Variants in JAZF1 observed in about 807,000 individuals in gnomAD.
JAZF1 encodes juxtaposed with another zinc finger protein 1.
A neutral mutation model predicts 26.4 loss-of-function variants in JAZF1; 8 were observed. That is an observed-to-expected ratio of 0.30 (90% CI 0.18 to 0.55). The LOEUF is 0.55. JAZF1 is among the 20% of genes least tolerant of loss of function. The pLI is 0.94. For missense variants in JAZF1, 199 were observed against 322.0 expected (o/e 0.62, Z 2.92); for synonymous variants, 126 against 122.3 (o/e 1.03, Z -0.20).
chr7:28,005,070 C>T lies in JAZF1; in HGVS notation c.116-13089G>A, dbSNP rs562693875. ...GACAAGTTAGTGTTTTCATGTATTT[C>T]GAAAACCAAATCACAATCTTTGAAT... is the stretch of plus-strand genomic sequence containing the variant. On this transcript the variant is annotated intron_variant, in intron 1 of 4. Coordinates refer to ENST00000283928, the MANE Select transcript of JAZF1 (RefSeq NM_175061.4). Among the ~76,000 whole-genome samples the T allele has an allele frequency of 7.1e-4, 108 of 152,170 alleles. 1 individual carries two copies. The highest frequency in any genetic ancestry group is 2.3e-3 in the African/African-American group (97 of 41,516).
intron 2 of JAZF1, among the ~76,000 whole-genome samples, chr7:27,955,003 C>T (rs1295145018): frequency 6.6e-6 from 1 of 152,196 alleles, no homozygotes; most frequent in Non-Finnish European, 1.5e-5. Flanking sequence ...GGCGATCCAC[C>T]TGCCTCGGCC....
intron 2 of JAZF1, among the ~76,000 whole-genome samples, chr7:27,933,431 T>C (rs972932165): frequency 6.6e-6 from 1 of 152,224 alleles, no homozygotes; most frequent in Non-Finnish European, 1.5e-5. Context: ...AGTAAAATCC[T>C]TCCTAGGCCC....
chr7:27,942,432 T>G (rs2128352656), intron 2 of JAZF1, among the ~76,000 whole-genome samples: 1 of 152,346 alleles, frequency 6.6e-6, no homozygotes, highest in Non-Finnish European at 1.5e-5. Context: ...GCAACCTGCC[T>G]TGGTAATAGC....
At chr7:28,178,120 C>T (rs1484349662) in intron 1 of JAZF1, among the ~76,000 whole-genome samples, 1 of 152,188 alleles carries the variant, frequency 6.6e-6, no homozygotes, top group South Asian at 2.1e-4. Flanking sequence ...AATTTTTCCA[C>T]ATTTTCACTA....
intron 2 of JAZF1, among the ~76,000 whole-genome samples, chr7:27,906,777 T>A (rs1409777057): frequency 6.6e-6 from 1 of 152,244 alleles, no homozygotes; most frequent in Non-Finnish European, 1.5e-5. Flanking sequence ...TTTCCGTTCC[T>A]TTTCTACCCT....
intron 3 of JAZF1, chr7:27,846,513 G>A (rs1454986488): frequency 2.1e-6 from 1 of 470,934 alleles, no homozygotes; most frequent in Non-Finnish European, 4.4e-6. Flanking sequence ...GAACATGAGA[G>A]TGCAGACATC....
At chr7:28,004,929 G>A (rs369918241) in intron 1 of JAZF1, among the ~76,000 whole-genome samples, 3 of 152,168 alleles carry the variant, frequency 2.0e-5, no homozygotes, top group African/African-American at 7.2e-5. Context: ...CTGGGATTAC[G>A]GCGTGAACCA....
chr7:28,029,483 G>T (rs1449464089), intron 1 of JAZF1, among the ~76,000 whole-genome samples: 1 of 152,152 alleles, frequency 6.6e-6, no homozygotes, highest in Non-Finnish European at 1.5e-5. Flanking sequence ...CAGACCATGG[G>T]AAGTTACTAC....
intron 1 of JAZF1, among the ~76,000 whole-genome samples, chr7:28,132,595 T>C (rs571671441): frequency 5.9e-4 from 90 of 152,170 alleles, no homozygotes; most frequent in Non-Finnish European, 1.2e-3. Flanking sequence ...ATAATTTTAA[T>C]TAGGAGCATA....
At chr7:28,090,785 T>A (rs1275832769) in intron 1 of JAZF1, among the ~76,000 whole-genome samples, 1 of 151,928 alleles carries the variant, frequency 6.6e-6, no homozygotes, top group Non-Finnish European at 1.5e-5. Context: ...AGCTCTTATT[T>A]TTTTTTCTAT....
At chr7:28,017,725 G>GA (rs1033981202) in intron 1 of JAZF1, among the ~76,000 whole-genome samples, 5 of 152,298 alleles carry the variant, frequency 3.3e-5, no homozygotes, top group Admixed American at 3.3e-4. Context: ...ACATTTTGGT[G>GA]AAAAAGACCA....
At chr7:28,059,180 C>T (rs1016809764) in intron 1 of JAZF1, among the ~76,000 whole-genome samples, 4 of 151,160 alleles carry the variant, frequency 2.6e-5, no homozygotes, top group African/African-American at 9.8e-5. Flanking sequence ...CCTTCAATTC[C>T]ATTATTAATT....
At position 28,105,171 on chromosome 7, in the gene JAZF1, A is replaced by G. The variant is rs10228049; in HGVS notation, c.115+75292T>C. 5.6e-4 allele frequency among the ~76,000 whole-genome samples: 85 copies of G among 152,242 alleles called. No individual in the cohort carries two copies. The East Asian group carries it at 0.015, about 27-fold the overall frequency. ...TACAGAGTTAAAAAAAACAAACAAG[A>G]ACTCTCCTCTCAATGCCAAAGTCTC... On this transcript the variant is annotated intron_variant, in intron 1 of 4. Coordinates refer to ENST00000283928, the MANE Select transcript of JAZF1 (RefSeq NM_175061.4).
At chr7:28,014,899 A>G (rs1199769506) in intron 1 of JAZF1, among the ~76,000 whole-genome samples, 1 of 152,182 alleles carries the variant, frequency 6.6e-6, no homozygotes, top group East Asian at 1.9e-4. Flanking sequence ...GGGCTCACCC[A>G]CTCAACAAGG....
At chr7:27,950,601 T>A (rs1784993212) in intron 2 of JAZF1, among the ~76,000 whole-genome samples, 1 of 152,184 alleles carries the variant, frequency 6.6e-6, no homozygotes, top group Non-Finnish European at 1.5e-5. Context: ...CTATAATAAC[T>A]GAAGAACCAA....
chr7:28,093,015 T>C (rs1196794389), intron 1 of JAZF1, among the ~76,000 whole-genome samples: 1 of 152,240 alleles, frequency 6.6e-6, no homozygotes, highest in Non-Finnish European at 1.5e-5. Context: ...CTAGTTGCCA[T>C]GTGCACTGGA....
intron 1 of JAZF1, among the ~76,000 whole-genome samples, chr7:28,073,633 C>A (rs563205686): frequency 1.3e-5 from 2 of 152,308 alleles, no homozygotes; most frequent in South Asian, 2.1e-4. Context: ...GGAGCCCTCA[C>A]GTCTCATCAC....
intron 3 of JAZF1, among the ~76,000 whole-genome samples, chr7:27,873,754 C>T (rs73685829): frequency 0.012 from 1,829 of 152,318 alleles, 40 homozygotes; most frequent in African/African-American, 0.037. Flanking sequence ...GAGCGTGGCT[C>T]ATCTTTGCAT....
At chr7:28,166,441 C>A (rs1234360038) in intron 1 of JAZF1, among the ~76,000 whole-genome samples, 2 of 152,124 alleles carry the variant, frequency 1.3e-5, no homozygotes, top group East Asian at 3.9e-4. Context: ...GAAGGCATGG[C>A]ATTTTGTGAG....
Sources: allele counts gnomAD v4.1 joint callset (sites outside exome capture counted in the v4.1 genomes callset), GRCh38; gene constraint gnomAD v4.1.1; transcripts MANE v1.5; gene names NCBI Gene and HGNC (gene_info 2026-07-23, HGNC 2026-07-21).